PALS2: variants seen among roughly 807,000 people sequenced by gnomAD.
The protein encoded by PALS2 is protein associated with LIN7 2, MAGUK p55 family member.
A neutral mutation model predicts 61.6 loss-of-function variants in PALS2; 27 were observed. The observed-to-expected ratio is 0.44, with a 90% CI of 0.32 to 0.60. PALS2 has a LOEUF of 0.60. PALS2 is among the 20% of genes least tolerant of loss of function. The pLI is 0.05. For synonymous variants in PALS2, 236 were observed against 218.6 expected (o/e 1.08, Z -0.70); for missense variants, 554 against 639.4 (o/e 0.87, Z 1.44).
At chr7:24,630,075 C>T (rs1243230272) in intron 2 of PALS2, among the ~76,000 whole-genome samples, 1 of 152,146 alleles carries the variant, frequency 6.6e-6, no homozygotes, top group Non-Finnish European at 1.5e-5. Context: ...TTGGAACCAA[C>T]CCAAATGCCC....
chr7:24,598,378 A>G (rs1210022383), intron 1 of PALS2, among the ~76,000 whole-genome samples: 1 of 152,184 alleles, frequency 6.6e-6, no homozygotes, highest in East Asian at 1.9e-4. Context: ...AGTTGTTAGA[A>G]GTGAAGGGCT....
At chr7:24,587,927 T>A (rs1007219076) in intron 1 of PALS2, among the ~76,000 whole-genome samples, 1 of 152,180 alleles carries the variant, frequency 6.6e-6, no homozygotes, top group African/African-American at 2.4e-5. Flanking sequence ...TTGATCTATT[T>A]GTTATTTAGA....
chr7:24,621,624 G>A (rs894394851), intron 1 of PALS2, among the ~76,000 whole-genome samples: 8 of 152,024 alleles, frequency 5.3e-5, no homozygotes, highest in African/African-American at 1.9e-4. Context: ...CTGATTAGAA[G>A]AAACAATTAA....
intron 1 of PALS2, among the ~76,000 whole-genome samples, chr7:24,606,736 C>G (rs550406157): frequency 6.6e-6 from 1 of 152,116 alleles, no homozygotes; most frequent in Non-Finnish European, 1.5e-5. Context: ...AGCCACTGCT[C>G]CTGGCCTATT....
At chr7:24,624,605 C>CTTCTTCTTTTTT (rs1554302487) in intron 2 of PALS2, among the ~76,000 whole-genome samples, 5 of 86,356 alleles carry the variant, frequency 5.8e-5, no homozygotes, top group African/African-American at 1.9e-4. Context: ...GCAGATTCTT[C>CTTCTTCTTTTTT]TTTTTTTTTT....
At chr7:24,686,998 A>G (rs1457458130) in intron 11 of PALS2, among the ~76,000 whole-genome samples, 3 of 152,232 alleles carry the variant, frequency 2.0e-5, no homozygotes, top group Non-Finnish European at 4.4e-5. Flanking sequence ...CTGATCTTAT[A>G]GAGAGGTAGC....
chr7:24,671,382 T>A (rs143731738), intron 9 of PALS2, among the ~76,000 whole-genome samples: 2 of 152,352 alleles, frequency 1.3e-5, no homozygotes, highest in Non-Finnish European at 2.9e-5. Context: ...TATTTGTCCT[T>A]TTCTTAAGCT....
At chr7:24,634,932 C>A (rs1306029306) in intron 2 of PALS2, among the ~76,000 whole-genome samples, 1 of 152,180 alleles carries the variant, frequency 6.6e-6, no homozygotes, top group Non-Finnish European at 1.5e-5. Flanking sequence ...TTCCATTGAT[C>A]TATAGATCTT....
At position 24,693,314 on chromosome 7, in the gene PALS2, A is replaced by T. The variant is rs976863199; in HGVS notation, c.*5700A>T. On this transcript the variant is annotated 3_prime_UTR_variant, in exon 12 of 12. Transcript: ENST00000222644. ...CCAACAGCAAGCCAGGGGAAGGAAC[A>T]TACATAAATATGACAGGTCATATAT... 1.3e-5 allele frequency: 2 copies of T among 152,216 alleles called. No homozygotes were observed. Among genetic ancestry groups the T allele is most frequent in the African/African-American group, 4.8e-5 (2 of 41,468 alleles). The allele number at this position is 152,216 out of a possible 1,614,324, so 9.4% of individuals were successfully genotyped here.
At chr7:24,594,798 G>A (rs548964495) in intron 1 of PALS2, among the ~76,000 whole-genome samples, 1 of 152,066 alleles carries the variant, frequency 6.6e-6, no homozygotes, top group Non-Finnish European at 1.5e-5. Flanking sequence ...ACTACCCCAT[G>A]AATGTGTGTA....
chr7:24,602,470 A>G (rs1037204550), intron 1 of PALS2, among the ~76,000 whole-genome samples: 9 of 152,210 alleles, frequency 5.9e-5, no homozygotes, highest in African/African-American at 2.2e-4. Flanking sequence ...TGGGGGTAAT[A>G]CCTGATCTTC....
intron 1 of PALS2, among the ~76,000 whole-genome samples, chr7:24,604,234 A>G (rs1422419528): frequency 6.6e-6 from 1 of 150,742 alleles, no homozygotes; most frequent in Non-Finnish European, 1.5e-5. Context: ...AAAAAAAAAA[A>G]AAAGGAAAAA....
chr7:24,618,251 C>G lies in PALS2; in HGVS notation c.-2-5415C>G, dbSNP rs1454443303. Among the ~76,000 whole-genome samples, 1 of 152,164 alleles carries G rather than the reference C, an allele frequency of 6.6e-6. No homozygotes were observed. Among genetic ancestry groups the G allele is most frequent in the African/African-American group, 2.4e-5 (1 of 41,432 alleles). On this transcript the variant is annotated intron_variant, in intron 1 of 11. Transcript: ENST00000222644. This position sits in a 1 kb window ranked among gnomAD's most constrained non-coding sequence, Gnocchi z 5.1. ...TGTGACTGGCTCAAGGGTGGGTTCT[C>G]CCTGGATGTGTCCACCAGACTGTTT...
At chr7:24,598,325 A>G (rs1046043637) in intron 1 of PALS2, among the ~76,000 whole-genome samples, 4 of 152,126 alleles carry the variant, frequency 2.6e-5, no homozygotes, top group African/African-American at 9.7e-5. Flanking sequence ...TTTTTAGTTC[A>G]TTTTATTACC....
chr7:24,632,640 GC>G (rs533735787), intron 2 of PALS2, among the ~76,000 whole-genome samples: 22 of 152,232 alleles, frequency 1.4e-4, no homozygotes, highest in African/African-American at 5.1e-4. Context: ...GCCCACGTCG[GC>G]CTCCCAAAAT....
intron 1 of PALS2, among the ~76,000 whole-genome samples, chr7:24,579,376 G>A (rs370345304): frequency 5.3e-5 from 8 of 152,152 alleles, no homozygotes; most frequent in African/African-American, 1.9e-4. Flanking sequence ...AATAGAAAAG[G>A]CTGGAAATAT....
chr7:24,651,877 C>T (rs142216795), intron 5 of PALS2, among the ~76,000 whole-genome samples: 1,887 of 152,164 alleles, frequency 0.012, 56 homozygotes, highest in African/African-American at 0.043. Flanking sequence ...CATTGAATGT[C>T]TATTTTAAAC....
chr7:24,595,552 A>T (rs1377861966), intron 1 of PALS2, among the ~76,000 whole-genome samples: 1 of 136,052 alleles, frequency 7.4e-6, no homozygotes, highest in Non-Finnish European at 1.5e-5. Flanking sequence ...ATATAAATAT[A>T]TATTAACTAT....
In PALS2 at chr7:24,666,280, G is replaced by A. The variant is rs116924735; in HGVS notation, c.952+191G>A. ...AAACCCACATTATATATACTACCATGTGCTTTATTTTGTGAGTATAGTTTA... is the reference window on the plus strand; with the variant it reads ...AAACCCACATTATATATACTACCATATGCTTTATTTTGTGAGTATAGTTTA... On this transcript the variant is annotated intron_variant, in intron 8 of 11. Coordinates refer to ENST00000222644, the MANE Select transcript of PALS2 (RefSeq NM_001303037.2). 3.3e-3 allele frequency among the ~76,000 whole-genome samples: 496 copies of A among 152,258 alleles called. 1 individual carries two copies. The highest frequency in any genetic ancestry group is 4.5e-3 in the Non-Finnish European group (306 of 67,986).
Sources: gnomAD v4.1 joint callset for allele counts (sites outside exome capture counted in the v4.1 genomes callset) on GRCh38, gnomAD v4.1.1 for gene constraint, Gnocchi (gnomAD v3.1) non-coding constraint, MANE v1.5 for transcripts, NCBI Gene and HGNC (gene_info 2026-07-23, HGNC 2026-07-21) for gene names.